Variants in CLVS1 observed in about 807,000 individuals in gnomAD.
CLVS1 encodes clavesin-1.
CLVS1 carries 10 observed loss-of-function variants against 33.1 expected under a neutral mutation model. The ratio of observed to expected loss-of-function variants is 0.30; its 90% CI spans 0.19 to 0.51. CLVS1 has a LOEUF of 0.51. CLVS1 is among the 20% of genes least tolerant of loss of function. CLVS1 has a pLI of 0.97. For synonymous variants in CLVS1, 163 were observed against 166.1 expected (o/e 0.98, Z 0.14); for missense variants, 343 against 433.4 (o/e 0.79, Z 1.85).
At chr8:61,212,821 C>G (rs528088263) in intron 2 of CLVS1, among the ~76,000 whole-genome samples, 1 of 152,210 alleles carries the variant, frequency 6.6e-6, no homozygotes, top group Admixed American at 6.5e-5. Context: ...GCAGGTGGGG[C>G]AGGAAGTAAA....
intron 2 of CLVS1, among the ~76,000 whole-genome samples, chr8:61,268,465 C>T (rs1019826525): frequency 1.4e-4 from 21 of 151,240 alleles, no homozygotes; most frequent in Non-Finnish European, 1.9e-4. Context: ...TGAATAATGC[C>T]GCAATAAACA....
At chr8:60,979,919 C>G in the CLVS1 span, among the ~76,000 whole-genome samples, 10 of 152,362 alleles carry the variant, frequency 6.6e-5, no homozygotes, top group East Asian at 1.9e-3. Flanking sequence ...GTTCTAATCA[C>G]TATCAGGTCG....
chr8:61,099,344 T>C lies in CLVS1; in HGVS notation c.-242-32426T>C, dbSNP rs116671373. ...CTGGAGAGCGGCTGGAGAGGTAGAG[T>C]AGCAAATTCAATGGGAAGCCAGGAC... On this transcript the variant is annotated intron_variant, in intron 1 of 2. Transcript: ENST00000522621. 5.9e-3 allele frequency among the ~76,000 whole-genome samples: 902 copies of C among 151,870 alleles called. 11 individuals are homozygous for C. Among genetic ancestry groups the C allele is most frequent in the African/African-American group, 0.021 (875 of 41,392 alleles).
At chr8:61,114,775 C>T (rs1484984881) in intron 1 of CLVS1, among the ~76,000 whole-genome samples, 1 of 152,200 alleles carries the variant, frequency 6.6e-6, no homozygotes, top group Non-Finnish European at 1.5e-5. Context: ...CTTCTCAAAT[C>T]TCAGGTTTCA....
At chr8:60,979,904 A>C in the CLVS1 span, among the ~76,000 whole-genome samples, 1 of 152,150 alleles carries the variant, frequency 6.6e-6, no homozygotes. Flanking sequence ...TACTATAGGG[A>C]TTTTGTTCTA....
At chr8:61,029,221 G>A in the CLVS1 span, among the ~76,000 whole-genome samples, 60 of 152,308 alleles carry the variant, frequency 3.9e-4, no homozygotes, top group African/African-American at 1.4e-3. Flanking sequence ...GGAGGGTTGA[G>A]GACTCTAACC....
intron 2 of CLVS1, among the ~76,000 whole-genome samples, chr8:61,266,121 T>C (rs977308018): frequency 1.3e-5 from 2 of 152,168 alleles, no homozygotes; most frequent in African/African-American, 4.8e-5. Flanking sequence ...ACCTGATTTC[T>C]ATGATCCTGA....
chr8:61,248,592 T>C (rs1585720417), intron 2 of CLVS1, among the ~76,000 whole-genome samples: 1 of 152,020 alleles, frequency 6.6e-6, no homozygotes, highest in East Asian at 1.9e-4. Context: ...GTCGGTTTGG[T>C]TAAAAATACT....
chr8:61,214,389 C>T (rs1256344084), intron 2 of CLVS1, among the ~76,000 whole-genome samples: 1 of 151,998 alleles, frequency 6.6e-6, no homozygotes, highest in Non-Finnish European at 1.5e-5. Context: ...CCCCAGACGC[C>T]CAGCTTTAAA....
chr8:61,064,868 ATTTTT>A (rs1289958276), intron 1 of CLVS1, among the ~76,000 whole-genome samples: 2 of 152,010 alleles, frequency 1.3e-5, no homozygotes, highest in Non-Finnish European at 2.9e-5. Context: ...CGCCTGGCTA[ATTTTT>A]TATATTTTTA....
At chr8:61,310,862 A>G (rs1439069076) in intron 2 of CLVS1, among the ~76,000 whole-genome samples, 2 of 152,250 alleles carry the variant, frequency 1.3e-5, no homozygotes, top group Admixed American at 1.3e-4. Context: ...ATGAGTGTTC[A>G]TATAGAGACT....
intron 2 of CLVS1, among the ~76,000 whole-genome samples, chr8:61,215,684 G>GTGTGTA (rs1241045795): frequency 4.6e-5 from 1 of 21,724 alleles, no homozygotes; most frequent in Non-Finnish European, 6.2e-5. Context: ...AATTGAAAAT[G>GTGTGTA]TGTGTGTGTG....
At chr8:61,282,112 A>G (rs1312043779) in intron 2 of CLVS1, among the ~76,000 whole-genome samples, 2 of 152,242 alleles carry the variant, frequency 1.3e-5, no homozygotes, top group Admixed American at 1.3e-4. Context: ...TATGCTGCCT[A>G]TGAAAGCATC....
chr8:61,106,607 A>G (rs1294508727), intron 1 of CLVS1, among the ~76,000 whole-genome samples: 2 of 152,164 alleles, frequency 1.3e-5, no homozygotes, highest in Non-Finnish European at 2.9e-5. Flanking sequence ...CAGGCGGTGG[A>G]GGGTGCTGTG....
intron 2 of CLVS1, among the ~76,000 whole-genome samples, chr8:61,243,964 GTT>G (rs1476583572): frequency 6.6e-6 from 1 of 151,958 alleles, no homozygotes; most frequent in Non-Finnish European, 1.5e-5. Flanking sequence ...ATTATTTGTG[GTT>G]TCCATATTTT....
At chr8:61,451,147 C>A (rs1285630213) in intron 3 of CLVS1, among the ~76,000 whole-genome samples, 2 of 151,886 alleles carry the variant, frequency 1.3e-5, no homozygotes, top group African/African-American at 4.8e-5. Flanking sequence ...AAGAATCAAT[C>A]TTTACTGTTT....
chr8:61,211,315 C>T (rs1018278518), intron 2 of CLVS1, among the ~76,000 whole-genome samples: 1 of 151,926 alleles, frequency 6.6e-6, no homozygotes, highest in Admixed American at 6.6e-5. Context: ...TCTCCCTCTT[C>T]CTTCTCTTCC....
At chr8:61,388,022 A>G (rs555893871) in intron 3 of CLVS1, among the ~76,000 whole-genome samples, 1 of 152,218 alleles carries the variant, frequency 6.6e-6, no homozygotes, top group Non-Finnish European at 1.5e-5. Context: ...TTTATATTTC[A>G]AAGGACTTAA....
At chr8:61,486,711 C>T (rs1474393787) in intron 5 of CLVS1, among the ~76,000 whole-genome samples, 1 of 152,166 alleles carries the variant, frequency 6.6e-6, no homozygotes, top group Non-Finnish European at 1.5e-5. Flanking sequence ...AGGTGCATCA[C>T]ATTGCTGGAG....
Sources: allele counts gnomAD v4.1 joint callset (sites outside exome capture counted in the v4.1 genomes callset), GRCh38; gene constraint gnomAD v4.1.1; transcripts MANE v1.5; gene names NCBI Gene and HGNC (gene_info 2026-07-23, HGNC 2026-07-21).